Variants in KAT6B observed in about 807,000 individuals in gnomAD.
The protein encoded by KAT6B is lysine acetyltransferase 6B.
Under a neutral mutation model 187.5 loss-of-function variants are expected in KAT6B, and 10 were observed. That is an observed-to-expected ratio of 0.05 (90% confidence interval 0.03 to 0.09). KAT6B has a LOEUF of 0.09. Among genes scored for constraint, KAT6B ranks in the 10% least tolerant of loss-of-function variants. The pLI is 1.00. For missense variants in KAT6B, 1,952 were observed against 2,558.9 expected, an observed-to-expected ratio of 0.76 and a Z score of 5.12; for synonymous variants, 861 against 926.8, an observed-to-expected ratio of 0.93 and a Z score of 1.29.
chr10:74,927,530 T>TA (rs1848594928), intron 3 of KAT6B, among the ~76,000 whole-genome samples: 2 of 151,366 alleles, frequency 1.3e-5, no homozygotes, highest in African/African-American at 4.9e-5. Flanking sequence ...CCAGATAATT[T>TA]AAAATCCTTT....
At chr10:75,009,216 T>A (rs751137535) in intron 13 of KAT6B, among the ~76,000 whole-genome samples, 2 of 152,226 alleles carry the variant, frequency 1.3e-5, no homozygotes, top group Admixed American at 6.5e-5. Context: ...ACATGTCTAT[T>A]TGAGTTCCTG....
intron 3 of KAT6B, among the ~76,000 whole-genome samples, chr10:74,891,853 T>A (rs753887866): frequency 1.6e-4 from 24 of 152,246 alleles, no homozygotes; most frequent in Non-Finnish European, 2.4e-4. Context: ...CTCAGTTCTT[T>A]AAGGAAGCAG....
rs1262044689 is a variant in KAT6B at position 74,977,321 on chromosome 10, G to A, written c.1999G>A (p.Glu667Lys). The change falls in exon 9 of 18, where the codon GAA becomes AAA. Residue 667 changes from glutamate (E) to lysine (K), a missense_variant. Coordinates refer to ENST00000287239, the MANE Select transcript of KAT6B (RefSeq NM_012330.4). Reference protein sequence around the residue: ...RIKPDQDDDTEIKINIKQESA... With the variant: ...RIKPDQDDDTKIKINIKQESA... Reference sequence around the variant, plus strand: ...CTGCTGGTTTTAAATGACAGATACTGAAATAAAAATAAACATCAAACAAGA... The same window carrying A: ...CTGCTGGTTTTAAATGACAGATACTAAAATAAAAATAAACATCAAACAAGA... 1 of 1,612,938 alleles carries A rather than the reference G, an allele frequency of 6.2e-7. No individual in the cohort carries two copies. Among genetic ancestry groups the A allele is most frequent in the Non-Finnish European group, 8.5e-7 (1 of 1,179,400 alleles).
intron 3 of KAT6B, among the ~76,000 whole-genome samples, chr10:74,915,117 A>G (rs1188980254): frequency 6.6e-6 from 1 of 152,138 alleles, no homozygotes; most frequent in Non-Finnish European, 1.5e-5. Context: ...AAAAAAATTT[A>G]TTAAAACATG....
intron 3 of KAT6B, among the ~76,000 whole-genome samples, chr10:74,958,895 G>A (rs771235424): frequency 3.3e-5 from 5 of 151,942 alleles, no homozygotes; most frequent in African/African-American, 7.2e-5. Flanking sequence ...AAAATTAGCC[G>A]GGTTTGGTGG....
In KAT6B at chr10:74,944,808, C is replaced by CAAAAAAAAAAAAA. The variant is rs58164194; in HGVS notation, c.622-15149_622-15137dup. ...CGGGCGACAGAGCGAGACTCCGTCTCAAAAAAAAAAAAAAAAAAAAAAAAA... is the reference window on the plus strand; with the variant it reads ...CGGGCGACAGAGCGAGACTCCGTCTCAAAAAAAAAAAAAAAAAAAAAAAAAAAAAAAAAAAAAA... On this transcript the variant is annotated intron_variant, in intron 3 of 17. Transcript: ENST00000287239. 1.8e-4 allele frequency among the ~76,000 whole-genome samples: 6 copies of CAAAAAAAAAAAAA among 32,904 alleles called. 1 individual carries two copies. The highest frequency in any genetic ancestry group is 6.0e-4 in the African/African-American group (6 of 10,012). 21.6% of individuals were successfully genotyped at this position (32,904 alleles called of 152,430 possible).
intron 1 of KAT6B, among the ~76,000 whole-genome samples, chr10:74,831,027 G>A (rs1165201423): frequency 6.6e-6 from 1 of 151,606 alleles, no homozygotes; most frequent in African/African-American, 2.4e-5. Flanking sequence ...GATCTCAGTT[G>A]ACCCGCCCGT....
chr10:74,997,189 A>ATC (rs1564612872), intron 13 of KAT6B, among the ~76,000 whole-genome samples: 2 of 151,072 alleles, frequency 1.3e-5, no homozygotes. Flanking sequence ...CAAGGAGACC[A>ATC]TCTCTCTCTC....
intron 1 of KAT6B, among the ~76,000 whole-genome samples, chr10:74,830,750 A>ATATATATATG (rs1554912267): frequency 2.4e-4 from 5 of 20,738 alleles, no homozygotes; most frequent in African/African-American, 1.8e-3. Context: ...ATATATATAT[A>ATATATATATG]TATATATATA....
At chr10:74,863,905 C>G (rs1037107765) in intron 3 of KAT6B, among the ~76,000 whole-genome samples, 2 of 152,138 alleles carry the variant, frequency 1.3e-5, no homozygotes, top group Non-Finnish European at 2.9e-5. Context: ...TGACTTCTTG[C>G]GAGTGTAGAT....
At chr10:74,871,276 C>T (rs1843938379) in intron 3 of KAT6B, among the ~76,000 whole-genome samples, 1 of 149,338 alleles carries the variant, frequency 6.7e-6, no homozygotes, top group Non-Finnish European at 1.5e-5. Context: ...CACTGCAAGC[C>T]CTGCCTTCTG....
rs543199684 is a variant in KAT6B at position 74,855,569 on chromosome 10, T to TTGTG, written c.621+12092_621+12095dup. 7.0e-4 allele frequency among the ~76,000 whole-genome samples: 107 copies of TTGTG among 152,076 alleles called. 1 individual carries two copies. The highest frequency in any genetic ancestry group is 1.2e-3 in the Non-Finnish European group (81 of 68,026). On this transcript the variant is annotated intron_variant, in intron 3 of 17. Transcript: ENST00000287239. Reference sequence around the variant, plus strand: ...CCAGCTTTAGCTGTTGAGCCTTGAGTTGTGAGTAAAGCAGCAGAAAACAGG... The same window carrying TTGTG: ...CCAGCTTTAGCTGTTGAGCCTTGAGTTGTGTGTGAGTAAAGCAGCAGAAAACAGG...
intron 12 of KAT6B, among the ~76,000 whole-genome samples, chr10:74,986,799 G>A (rs760732572): frequency 2.6e-5 from 4 of 152,178 alleles, no homozygotes; most frequent in East Asian, 1.9e-4. Context: ...TAGTGGTTGC[G>A]TCCTTGCTGT....
At chr10:74,895,804 A>G (rs1413614020) in intron 3 of KAT6B, among the ~76,000 whole-genome samples, 1 of 152,092 alleles carries the variant, frequency 6.6e-6, no homozygotes, top group Non-Finnish European at 1.5e-5. Context: ...ATGAGCCACC[A>G]TGCCTGGCCC....
chr10:75,031,195 T>C lies in KAT6B; in HGVS notation c.*149T>C. On this transcript the variant is annotated 3_prime_UTR_variant, in exon 18 of 18. Coordinates refer to ENST00000287239, the MANE Select transcript of KAT6B (RefSeq NM_012330.4). ...ATTTATTTAAAAAAAAAAAAAGCTG[T>C]ATGCAGCAGAAAGCCTTATACAAGT... is the stretch of plus-strand genomic sequence containing the variant. 1.1e-6 allele frequency: 1 copy of C among 883,734 alleles called. No individual in the cohort carries two copies. Among genetic ancestry groups the C allele is most frequent in the Non-Finnish European group, 1.8e-6 (1 of 567,626 alleles). The allele number at this position is 883,734 out of a possible 1,614,324, so 54.7% of individuals were successfully genotyped here.
chr10:74,833,398 CTA>C (rs1285230696), intron 1 of KAT6B, among the ~76,000 whole-genome samples: 3 of 152,162 alleles, frequency 2.0e-5, no homozygotes, highest in Non-Finnish European at 4.4e-5. Context: ...CATCTTGTCT[CTA>C]AATTCCTCTG....
At chr10:74,893,550 A>G (rs57095353) in intron 3 of KAT6B, among the ~76,000 whole-genome samples, 15,792 of 151,432 alleles carry the variant, frequency 0.1, 1,128 homozygotes, top group South Asian at 0.28. Context: ...GCTCACTGCA[A>G]CCTCCATCTC....
chr10:74,828,562 CTTTT>C (rs1160950109), intron 1 of KAT6B, among the ~76,000 whole-genome samples: 2 of 94,820 alleles, frequency 2.1e-5, no homozygotes, highest in Non-Finnish European at 2.0e-5. Flanking sequence ...CTCATAAGTT[CTTTT>C]TTTTTTTTTT....
At chr10:74,952,846 A>ATTTTTTTTTTTT (rs34687036) in intron 3 of KAT6B, among the ~76,000 whole-genome samples, 101 of 90,528 alleles carry the variant, frequency 1.1e-3, no homozygotes, top group South Asian at 1.6e-3. Context: ...TGCCTGGCTA[A>ATTTTTTTTTTTT]TTTTTTTTTT....
Sources: allele counts gnomAD v4.1 joint callset (sites outside exome capture counted in the v4.1 genomes callset), GRCh38; gene constraint gnomAD v4.1.1; transcripts MANE v1.5; gene names NCBI Gene and HGNC (gene_info 2026-07-23, HGNC 2026-07-21).